PCDHA6: variants seen among roughly 807,000 people sequenced by gnomAD.
PCDHA6 encodes protocadherin alpha-6.
In PCDHA6, 55 loss-of-function variants were observed where a neutral mutation model predicts 60.3. That is an observed-to-expected ratio of 0.91 (90% CI 0.73 to 1.14). The LOEUF (loss-of-function observed/expected upper bound fraction) is 1.14, where lower values mean the gene tolerates loss of function less well. PCDHA6 is among the 50% of genes most tolerant of loss of function. The pLI, the probability that PCDHA6 is intolerant of heterozygous loss-of-function variation, is 0.00. For synonymous variants in PCDHA6, 652 were observed against 557.9 expected, an observed-to-expected ratio of 1.17 and a Z score of -2.38; for missense variants, 1,327 against 1,256.5, an observed-to-expected ratio of 1.06 and a Z score of -0.85.
intron 1 of PCDHA6, among the ~76,000 whole-genome samples, chr5:140,949,318 T>C (rs1554218908): frequency 6.6e-6 from 1 of 151,876 alleles, no homozygotes; most frequent in African/African-American, 2.4e-5. Flanking sequence ...GATTTATAAA[T>C]ATAAATTATT....
chr5:140,842,525 A>G, intron 1 of PCDHA6: 1 of 1,613,292 alleles, frequency 6.2e-7, no homozygotes, highest in Non-Finnish European at 8.5e-7. Flanking sequence ...GTCCACCTTC[A>G]AGAATTACTA....
intron 1 of PCDHA6, chr5:140,853,313 T>G: frequency 1.0e-6 from 1 of 984,212 alleles, no homozygotes; most frequent in South Asian, 4.7e-5. Flanking sequence ...AACACCTTAG[T>G]AATAAATTTA....
Position 140,857,323 on chromosome 5 carries a change from C to A in PCDHA6, c.2394+26838C>A, listed in dbSNP as rs782769711. 1.5e-5 allele frequency: 24 copies of A among 1,598,498 alleles called. 1 individual carries two copies. The East Asian group carries it at 5.1e-4, about 34-fold the overall frequency. On this transcript the variant is annotated intron_variant, in intron 1 of 3. Transcript: ENST00000529310. ...TGTCGGCCTATGAGCTGGTGGTGAC[C>A]GCGCGGGACGGGGGCTCGCCTCCGC...
chr5:140,861,527 G>C (rs1554154863), intron 1 of PCDHA6: 3 of 454,914 alleles, frequency 6.6e-6, no homozygotes, highest in Non-Finnish European at 1.4e-5. Context: ...GGAGGATCTC[G>C]GAGTGCAGCA....
At chr5:140,888,686 T>C (rs1326536229) in intron 1 of PCDHA6, among the ~76,000 whole-genome samples, 1 of 152,214 alleles carries the variant, frequency 6.6e-6, no homozygotes, top group Non-Finnish European at 1.5e-5. Context: ...AAGAGGTCTC[T>C]CTTCTCTGAT....
intron 1 of PCDHA6, chr5:140,852,270 CAT>C (rs1193934371): frequency 1.4e-5 from 7 of 503,434 alleles, no homozygotes; most frequent in South Asian, 1.7e-4. Context: ...TACAATATTA[CAT>C]GTTTTTTGTC....
At chr5:140,943,157 C>T (rs2093427609) in intron 1 of PCDHA6, among the ~76,000 whole-genome samples, 1 of 148,876 alleles carries the variant, frequency 6.7e-6, no homozygotes, top group South Asian at 2.1e-4. Context: ...ACTCTGGAGG[C>T]TGAGGCAGGA....
intron 1 of PCDHA6, chr5:140,875,924 A>C (rs782181544): frequency 6.2e-7 from 1 of 1,614,054 alleles, no homozygotes; most frequent in Non-Finnish European, 8.5e-7. Context: ...CTGGACTCTC[A>C]TTTTCCTCTA....
chr5:140,856,356 T>A lies in PCDHA6; in HGVS notation c.2394+25871T>A, dbSNP rs782497272. ...TGCGGGCGGAGCGTGGAGTGCAGCA[T>A]CCACCTGGAGGTGATCGTGGACAGG... On this transcript the variant is annotated intron_variant, in intron 1 of 3. Coordinates refer to ENST00000529310, the MANE Select transcript of PCDHA6 (RefSeq NM_018909.4). 3 of 1,598,530 alleles carry A rather than the reference T, an allele frequency of 1.9e-6. 1 individual carries two copies. Among genetic ancestry groups the A allele is most frequent in the South Asian group, 2.2e-5 (2 of 90,522 alleles).
chr5:140,843,940 T>C (rs1562418437), intron 1 of PCDHA6: 1 of 573,848 alleles, frequency 1.7e-6, no homozygotes, highest in South Asian at 2.4e-5. Flanking sequence ...TATGGTTGGA[T>C]GATATCCATT....
chr5:140,921,367 T>A (rs1165325497), intron 1 of PCDHA6, among the ~76,000 whole-genome samples: 1 of 152,182 alleles, frequency 6.6e-6, no homozygotes, highest in Non-Finnish European at 1.5e-5. Context: ...TCAAGTTTCA[T>A]ATTTCTACAT....
intron 1 of PCDHA6, among the ~76,000 whole-genome samples, chr5:140,923,122 C>T (rs1405376878): frequency 6.6e-6 from 1 of 152,130 alleles, no homozygotes; most frequent in Non-Finnish European, 1.5e-5. Context: ...TTTTTAGGGT[C>T]ACACTTTGAA....
rs2150344223 is a variant in PCDHA6 at position 140,842,785 on chromosome 5, G to T, written c.2394+12300G>T. The T allele has an allele frequency of 1.1e-4, 175 of 1,594,390 alleles. 18 individuals are homozygous for T. Among genetic ancestry groups the T allele is most frequent in the Non-Finnish European group, 1.4e-4 (165 of 1,165,442 alleles). ...GAGACGCGGACGCGCAGGAGAACGCGCTGGTGTCCTACTCGCTTGTGGAGC... is the reference window on the plus strand; with the variant it reads ...GAGACGCGGACGCGCAGGAGAACGCTCTGGTGTCCTACTCGCTTGTGGAGC... On this transcript the variant is annotated intron_variant, in intron 1 of 3. Coordinates refer to ENST00000529310, the MANE Select transcript of PCDHA6 (RefSeq NM_018909.4).
intron 3 of PCDHA6, among the ~76,000 whole-genome samples, chr5:141,005,117 C>A (rs2098198148): frequency 6.6e-6 from 1 of 152,214 alleles, no homozygotes; most frequent in South Asian, 2.1e-4. Flanking sequence ...TCTTTAGGGA[C>A]CCCAAAAGTG....
intron 1 of PCDHA6, chr5:140,870,108 CTG>C (rs1455437240): frequency 6.2e-7 from 1 of 1,613,906 alleles, no homozygotes; most frequent in African/African-American, 1.3e-5. Flanking sequence ...ACTGTACAGT[CTG>C]GGTGGAAATC....
intron 1 of PCDHA6, chr5:140,864,535 C>G (rs535465437): frequency 1.3e-5 from 2 of 152,242 alleles, no homozygotes; most frequent in South Asian, 2.1e-4. Flanking sequence ...TAATTTTTGT[C>G]TTCAATCTTC....
In PCDHA6 at chr5:140,983,053, C is replaced by T. The variant is rs571565176; in HGVS notation, c.2542+490C>T. 3.3e-5 allele frequency among the ~76,000 whole-genome samples: 5 copies of T among 151,988 alleles called. No homozygotes were observed. In the East Asian group the frequency reaches 5.8e-4, roughly 18 times the overall value. On this transcript the variant is annotated intron_variant, in intron 3 of 3. Transcript: ENST00000529310. ...GTTTCTCATGGAAGTGGAAAATTAT[C>T]GGAACCAAGGCATTGTTTTGAGTTC...
chr5:140,994,105 A>G (rs1264024543), intron 3 of PCDHA6, among the ~76,000 whole-genome samples: 2 of 152,226 alleles, frequency 1.3e-5, no homozygotes, highest in African/African-American at 2.4e-5. Context: ...TGGAAATATT[A>G]CATTGTCATG....
chr5:140,926,682 C>T, intron 1 of PCDHA6: 1 of 656,722 alleles, frequency 1.5e-6, no homozygotes, highest in Non-Finnish European at 2.3e-6. Context: ...CAGCCTCCAG[C>T]CTAGCAAGCC....
Sources: allele counts gnomAD v4.1 joint callset (sites outside exome capture counted in the v4.1 genomes callset), GRCh38; gene constraint gnomAD v4.1.1; transcripts MANE v1.5; gene names NCBI Gene and HGNC (gene_info 2026-07-23, HGNC 2026-07-21).